CPQ: variants seen among roughly 807,000 people sequenced by gnomAD.
The protein encoded by CPQ is carboxypeptidase Q.
Under a neutral mutation model 45.7 loss-of-function variants are expected in CPQ, and 37 were observed. The ratio of observed to expected loss-of-function variants is 0.81; its 90% CI spans 0.62 to 1.07. CPQ has a LOEUF of 1.07. Ranked by LOEUF, CPQ falls within the 50% of genes least tolerant of loss-of-function variation. The pLI, the probability that CPQ is intolerant of heterozygous loss-of-function variation, is 0.00. For missense variants in CPQ, 537 were observed against 572.9 expected (o/e 0.94, Z 0.64); for synonymous variants, 186 against 205.8 (o/e 0.90, Z 0.82).
chr8:96,851,520 C>T lies in CPQ; in HGVS notation c.641+16340C>T, dbSNP rs559866561. Among the ~76,000 whole-genome samples, 39 of 152,258 alleles carry T rather than the reference C, an allele frequency of 2.6e-4. No homozygotes were observed. The South Asian group carries it at 5.0e-3, about 19-fold the overall frequency. On this transcript the variant is annotated intron_variant, in intron 3 of 7. Transcript: ENST00000220763. ...GATGGCACCTTATTTCTTCATCCTCCAGAGGGGAGGAACGCTGTGTCCTCA... is the reference window on the plus strand; with the variant it reads ...GATGGCACCTTATTTCTTCATCCTCTAGAGGGGAGGAACGCTGTGTCCTCA...
chr8:96,925,785 G>A (rs961105531), intron 4 of CPQ, among the ~76,000 whole-genome samples: 2 of 151,916 alleles, frequency 1.3e-5, no homozygotes, highest in African/African-American at 4.8e-5. Flanking sequence ...TGCTTCTTGG[G>A]TTCAAGTGAT....
intron 7 of CPQ, among the ~76,000 whole-genome samples, chr8:97,140,990 A>T (rs67152877): frequency 0.065 from 9,934 of 152,146 alleles, 419 homozygotes; most frequent in Non-Finnish European, 0.095. Context: ...TAGGCAATGG[A>T]AAACTGAAAA....
intron 5 of CPQ, among the ~76,000 whole-genome samples, chr8:96,977,928 T>C (rs567107136): frequency 3.9e-5 from 6 of 152,250 alleles, no homozygotes; most frequent in African/African-American, 1.4e-4. Context: ...CTAAATAACT[T>C]ACTCATGTAA....
At chr8:96,950,114 A>G (rs928050842) in intron 4 of CPQ, among the ~76,000 whole-genome samples, 2 of 152,080 alleles carry the variant, frequency 1.3e-5, no homozygotes, top group Admixed American at 6.6e-5. Flanking sequence ...CTGACCTTTG[A>G]AGACTATAAT....
At chr8:96,891,086 C>A (rs1245527971) in intron 4 of CPQ, among the ~76,000 whole-genome samples, 1 of 152,178 alleles carries the variant, frequency 6.6e-6, no homozygotes, top group African/African-American at 2.4e-5. Flanking sequence ...TGATGGGTAA[C>A]ATAGTAAGAC....
chr8:97,095,648 C>T (rs1331183653), intron 7 of CPQ, among the ~76,000 whole-genome samples: 12 of 152,192 alleles, frequency 7.9e-5, no homozygotes. Context: ...CTGGCCATAG[C>T]ATCCTGCTGG....
At chr8:96,875,309 A>G (rs964990789) in intron 3 of CPQ, among the ~76,000 whole-genome samples, 1 of 151,888 alleles carries the variant, frequency 6.6e-6, no homozygotes, top group Non-Finnish European at 1.5e-5. Context: ...CCTCTAAAGC[A>G]CAAAAGTTTA....
chr8:96,768,969 G>A (rs191473695), intron 1 of CPQ, among the ~76,000 whole-genome samples: 2 of 152,316 alleles, frequency 1.3e-5, no homozygotes, highest in East Asian at 3.9e-4. Flanking sequence ...AAAAACACAT[G>A]AGTACAATCA....
At chr8:96,671,784 A>G (rs186234969) in intron 1 of CPQ, among the ~76,000 whole-genome samples, 1 of 152,254 alleles carries the variant, frequency 6.6e-6, no homozygotes, top group Non-Finnish European at 1.5e-5. Context: ...AAGGTTTAGC[A>G]TTTTAGATTC....
rs190461953 is a variant in CPQ, at chr8:96,942,000, T to G, written c.850-23935T>G. ...CAAGCTACTGCTGAAATAGTGAATC[T>G]CTTTAATGGTAATATATGAGCTGGA... On this transcript the variant is annotated intron_variant, in intron 4 of 7. Transcript: ENST00000220763. 6.6e-5 allele frequency among the ~76,000 whole-genome samples: 10 copies of G among 152,304 alleles called. No individual in the cohort carries two copies. The East Asian group carries it at 1.9e-3, about 29-fold the overall frequency.
At chr8:97,016,699 A>G (rs964294340) in intron 5 of CPQ, among the ~76,000 whole-genome samples, 1 of 152,184 alleles carries the variant, frequency 6.6e-6, no homozygotes, top group Admixed American at 6.5e-5. Flanking sequence ...CAGAGAAAGT[A>G]TTATAGAGAT....
intron 1 of CPQ, among the ~76,000 whole-genome samples, chr8:96,645,756 C>T (rs924910122): frequency 1.1e-4 from 16 of 151,764 alleles, no homozygotes; most frequent in African/African-American, 3.6e-4. Flanking sequence ...CCCCAAGCCG[C>T]CCCCTTCATC....
In CPQ at chr8:96,867,034, A is replaced by G. The variant is rs1812004991; in HGVS notation, c.642-12764A>G. Among the ~76,000 whole-genome samples, 2 of 152,074 alleles carry G rather than the reference A, an allele frequency of 1.3e-5. 1 individual carries two copies. Among genetic ancestry groups the G allele is most frequent in the Non-Finnish European group, 2.9e-5 (2 of 67,990 alleles). On this transcript the variant is annotated intron_variant, in intron 3 of 7. Coordinates refer to ENST00000220763, the MANE Select transcript of CPQ (RefSeq NM_016134.4). ...CATTTGAGCTGCCCAACAGTCCCTA[A>G]CACTGACTCCTTCTGCCTTAAAGGC...
At chr8:96,674,973 G>A (rs1323733359) in intron 1 of CPQ, among the ~76,000 whole-genome samples, 1 of 151,968 alleles carries the variant, frequency 6.6e-6, no homozygotes, top group African/African-American at 2.4e-5. Context: ...TATCCCGCCT[G>A]TCCCTGGAAC....
At chr8:96,688,966 ATTG>A (rs976492654) in intron 1 of CPQ, among the ~76,000 whole-genome samples, 1 of 152,106 alleles carries the variant, frequency 6.6e-6, no homozygotes, top group African/African-American at 2.4e-5. Flanking sequence ...TCTTAACCTC[ATTG>A]TTGTTTCTTC....
At chr8:97,005,456 C>T (rs1359499918) in intron 5 of CPQ, among the ~76,000 whole-genome samples, 1 of 151,780 alleles carries the variant, frequency 6.6e-6, no homozygotes, top group Admixed American at 6.6e-5. Context: ...AATCCCAGAA[C>T]TTTGGGAGGC....
At chr8:97,021,202 C>T (rs950200843) in intron 5 of CPQ, among the ~76,000 whole-genome samples, 1 of 152,046 alleles carries the variant, frequency 6.6e-6, no homozygotes, top group Admixed American at 6.6e-5. Flanking sequence ...TCAGCAAAAT[C>T]GGCATATAAG....
intron 4 of CPQ, among the ~76,000 whole-genome samples, chr8:96,920,495 G>A (rs898319196): frequency 6.6e-6 from 1 of 151,992 alleles, no homozygotes; most frequent in African/African-American, 2.4e-5. Flanking sequence ...TTAGTCAGCC[G>A]ATCAGCCTTC....
intron 2 of CPQ, among the ~76,000 whole-genome samples, chr8:96,806,888 A>C (rs574975050): frequency 6.6e-6 from 1 of 152,330 alleles, no homozygotes; most frequent in Admixed American, 6.5e-5. Flanking sequence ...GAGGGGGTGG[A>C]TACCACGTTT....
Sources: allele counts gnomAD v4.1 joint callset (sites outside exome capture counted in the v4.1 genomes callset), GRCh38; gene constraint gnomAD v4.1.1; transcripts MANE v1.5; gene names NCBI Gene and HGNC (gene_info 2026-07-23, HGNC 2026-07-21).